Variants in PCDHGA2 observed in about 807,000 individuals in gnomAD.
PCDHGA2 encodes the protein protocadherin gamma-A2.
Under a neutral mutation model 59.2 loss-of-function variants are expected in PCDHGA2, and 40 were observed. The observed-to-expected ratio is 0.68, with a 90% CI of 0.52 to 0.88. PCDHGA2 has a LOEUF of 0.88. Ranked by LOEUF, PCDHGA2 falls within the 40% of genes least tolerant of loss-of-function variation. The probability of loss-of-function intolerance (pLI) is 0.00; values close to 1 mark genes in which losing one functional copy is unlikely to be tolerated. For missense variants in PCDHGA2, 1,226 were observed against 1,204.0 expected (o/e 1.02, Z -0.27); for synonymous variants, 560 against 526.0 (o/e 1.06, Z -0.89).
In PCDHGA2 at chr5:141,364,970, G is replaced by T. The variant is rs766427343; in HGVS notation, c.2424+23575G>T. 13 of 1,613,796 alleles carry T rather than the reference G, an allele frequency of 8.1e-6. No homozygotes were observed. The East Asian group carries it at 2.9e-4, about 36-fold the overall frequency. On this transcript the variant is annotated intron_variant, in intron 1 of 3. Coordinates refer to ENST00000394576, the MANE Select transcript of PCDHGA2 (RefSeq NM_018915.4). The stretch of plus-strand genomic sequence containing the variant: ...GACTGTTCACGACCTCCTCCTCACA[G>T]CTTTAGATGGCGGAGACCCGGTACT...
At chr5:141,399,562 T>TTGAACGGCCAAGTCTCCTACTCTATCA in intron 1 of PCDHGA2, 1 of 1,614,016 alleles carries the variant, frequency 6.2e-7, no homozygotes, top group Non-Finnish European at 8.5e-7. Context: ...GGACTTGGGG[T>TTGAACGGCCAAGTCTCCTACTCTATCA]TGAACGGCCA....
chr5:141,390,002 T>A (rs1263938438), intron 1 of PCDHGA2: 1 of 1,614,038 alleles, frequency 6.2e-7, no homozygotes, highest in East Asian at 2.2e-5. Context: ...TGGCCATGAT[T>A]CTGGCCATTG....
At chr5:141,355,359 G>T in intron 1 of PCDHGA2, 1 of 1,614,048 alleles carries the variant, frequency 6.2e-7, no homozygotes, top group African/African-American at 1.3e-5. Context: ...AGGACCTGGG[G>T]TTGGCGCCCC....
chr5:141,350,904 G>C, intron 1 of PCDHGA2: 1 of 1,614,054 alleles, frequency 6.2e-7, no homozygotes, highest in East Asian at 2.2e-5. Context: ...ATGGATGGCG[G>C]GGACCCGCCT....
rs762998335 is a variant in PCDHGA2 at position 141,340,833 on chromosome 5, T to C, written c.1862T>C (p.Leu621Pro). 3 of 1,612,886 alleles carry C rather than the reference T, an allele frequency of 1.9e-6. No homozygotes were observed. The South Asian group carries it at 3.3e-5, about 18-fold the overall frequency. The change falls in exon 1 of 4, where the codon CTG becomes CCG. Residue 621 changes from leucine (L) to proline (P), a missense_variant. Physicochemically the swap from Leu to Pro is moderately conservative, Grantham distance 98 (BLOSUM62 -3). Coordinates refer to ENST00000394576, the MANE Select transcript of PCDHGA2 (RefSeq NM_018915.4). The part of the protein sequence containing the change: ...ASEPGLFSVG[L>P]HTGEVRTARA... ...GAGCCGGGACTCTTCTCGGTGGGTC[T>C]GCACACGGGCGAGGTGCGCACGGCG...
intron 1 of PCDHGA2, among the ~76,000 whole-genome samples, chr5:141,425,967 G>A (rs1021171082): frequency 2.0e-5 from 3 of 152,214 alleles, no homozygotes; most frequent in Non-Finnish European, 4.4e-5. Flanking sequence ...CAACACATCA[G>A]TCTAATTCTG....
rs186490614 is a variant in PCDHGA2 at position 141,415,986 on chromosome 5, T to A, written c.2424+74591T>A. 2.6e-4 allele frequency: 85 copies of A among 328,664 alleles called. 1 individual carries two copies. The highest frequency in any genetic ancestry group is 1.7e-3 in the African/African-American group (80 of 46,398). 20.4% of individuals were successfully genotyped at this position (328,664 alleles called of 1,614,324 possible). On this transcript the variant is annotated intron_variant, in intron 1 of 3. Transcript: ENST00000394576. ...CCAGCCCCTTAAGCAACCCTCTTGT[T>A]CTGAAGGCAGGTCTGGTAAGAATAG...
rs57426385 is a variant in PCDHGA2 at position 141,415,740 on chromosome 5, G to GTTTTT, written c.2424+74373_2424+74377dup. 865 of 624,308 alleles carry GTTTTT rather than the reference G, an allele frequency of 1.4e-3. 3 individuals carry two copies. Among genetic ancestry groups the GTTTTT allele is most frequent in the South Asian group, 2.2e-3 (75 of 34,868 alleles). The allele number at this position is 624,308 out of a possible 1,614,324, so 38.7% of individuals were successfully genotyped here. A position where few individuals can be genotyped will look rare whatever the true frequency, so the allele number is the denominator to read the frequency against. ...TGAGTAGAATTTGATGTTTATTAAG[G>GTTTTT]TTTTTTTTTTTTTTTTTTTTTTTTT... is the stretch of plus-strand genomic sequence containing the variant. On this transcript the variant is annotated intron_variant, in intron 1 of 3. Transcript: ENST00000394576.
chr5:141,410,746 C>A (rs1489353130), intron 1 of PCDHGA2: 28 of 1,269,804 alleles, frequency 2.2e-5, no homozygotes, highest in Non-Finnish European at 2.7e-5. Flanking sequence ...ACAATATTTT[C>A]TCAATGTTTT....
chr5:141,436,121 C>T (rs2097796819), intron 1 of PCDHGA2, among the ~76,000 whole-genome samples: 1 of 152,154 alleles, frequency 6.6e-6, no homozygotes, highest in Admixed American at 6.5e-5. Context: ...AAACCTCTCT[C>T]CTCCATCATC....
At chr5:141,505,564 G>GGATGTCAAACCTGTGTAGTTTCTCCA in intron 3 of PCDHGA2, 83 bp downstream of exon 3, 1 of 1,603,196 alleles carries the variant, frequency 6.2e-7, no homozygotes, top group Non-Finnish European at 8.5e-7. Context: ...CCCACGGACT[G>GGATGTCAAACCTGTGTAGTTTCTCCA]GATGTCAAAC....
At chr5:141,348,065 T>A (rs1333454037) in intron 1 of PCDHGA2, among the ~76,000 whole-genome samples, 1 of 152,242 alleles carries the variant, frequency 6.6e-6, no homozygotes, top group Non-Finnish European at 1.5e-5. Flanking sequence ...TTTGTCATGT[T>A]CTACAACTTT....
intron 1 of PCDHGA2, chr5:141,384,537 G>A: frequency 1.2e-6 from 2 of 1,614,248 alleles, no homozygotes; most frequent in Non-Finnish European, 1.7e-6. Flanking sequence ...GCAGCAACAT[G>A]TCACTGAGCC....
intron 1 of PCDHGA2, chr5:141,394,056 G>C (rs776550132): frequency 6.2e-7 from 1 of 1,613,734 alleles, no homozygotes; most frequent in Non-Finnish European, 8.5e-7. Flanking sequence ...CCGAGAAAAT[G>C]TCTCTATCTA....
intron 2 of PCDHGA2, among the ~76,000 whole-genome samples, chr5:141,497,622 C>G (rs1434147255): frequency 6.6e-6 from 1 of 151,538 alleles, no homozygotes; most frequent in African/African-American, 2.4e-5. Context: ...TCACTGCAAC[C>G]TCTGCCTGCC....
At chr5:141,366,662 A>T (rs1400618263) in intron 1 of PCDHGA2, 9 of 1,614,264 alleles carry the variant, frequency 5.6e-6, no homozygotes, top group Non-Finnish European at 7.6e-6. Context: ...CTACGCAGAC[A>T]CGCTCCTTAG....
intron 1 of PCDHGA2, chr5:141,371,677 G>A (rs751155238): frequency 1.9e-6 from 3 of 1,613,896 alleles, no homozygotes; most frequent in Non-Finnish European, 2.5e-6. Context: ...ACCGACAAAG[G>A]CAATCCACCG....
chr5:141,415,077 A>C, intron 1 of PCDHGA2: 2 of 1,613,468 alleles, frequency 1.2e-6, no homozygotes, highest in Non-Finnish European at 1.7e-6. Flanking sequence ...GCACGGCGCG[A>C]GCCCTGCTGG....
intron 1 of PCDHGA2, among the ~76,000 whole-genome samples, chr5:141,434,221 G>T (rs760622311): frequency 6.6e-6 from 1 of 152,206 alleles, no homozygotes; most frequent in Admixed American, 6.5e-5. Flanking sequence ...TGTAAACAAA[G>T]TACGATTTCT....
Sources: gnomAD v4.1 joint callset for allele counts (sites outside exome capture counted in the v4.1 genomes callset) on GRCh38, gnomAD v4.1.1 for gene constraint, MANE v1.5 for transcripts, NCBI Gene and HGNC (gene_info 2026-07-23, HGNC 2026-07-21) for gene names.